Variants in TUT7 observed in about 807,000 individuals in gnomAD.
TUT7 encodes the protein terminal uridylyltransferase 7.
Under a neutral mutation model 165.9 loss-of-function variants are expected in TUT7, and 33 were observed. The ratio of observed to expected loss-of-function variants is 0.20; its 90% CI spans 0.15 to 0.27. TUT7 has a LOEUF of 0.27. Among genes scored for constraint, TUT7 ranks in the 10% least tolerant of loss-of-function variants. The probability of loss-of-function intolerance (pLI) is 1.00; values close to 1 mark genes in which losing one functional copy is unlikely to be tolerated. For missense variants in TUT7, 1,338 were observed against 1,762.3 expected (o/e 0.76, Z 4.31); for synonymous variants, 552 against 608.1 (o/e 0.91, Z 1.36).
intron 26 of TUT7, 26 bp from the exon 27 acceptor site, chr9:86,288,770 C>A: frequency 1.3e-6 from 2 of 1,582,450 alleles, no homozygotes; most frequent in Non-Finnish European, 1.7e-6. Context: ...AAACAAAACC[C>A]AATATAAATG....
intron 25 of TUT7, among the ~76,000 whole-genome samples, chr9:86,302,551 C>G (rs547430934): frequency 6.5e-4 from 98 of 151,748 alleles, no homozygotes; most frequent in Non-Finnish European, 1.3e-3. Context: ...CTCCTGGCCT[C>G]AAGTGATCCG....
intron 10 of TUT7, among the ~76,000 whole-genome samples, chr9:86,334,085 C>G (rs927187089): frequency 1.3e-5 from 2 of 151,676 alleles, no homozygotes; most frequent in African/African-American, 4.8e-5. Context: ...ATAACTATTT[C>G]CCAGTTCTCC....
chr9:86,293,136 G>A (rs1826021773), intron 26 of TUT7, among the ~76,000 whole-genome samples: 1 of 152,122 alleles, frequency 6.6e-6, no homozygotes, highest in South Asian at 2.1e-4. Flanking sequence ...CATCTGTATG[G>A]CAAACACATA....
At chr9:86,331,165 C>T (rs1369236516) in intron 10 of TUT7, among the ~76,000 whole-genome samples, 1 of 152,064 alleles carries the variant, frequency 6.6e-6, no homozygotes, top group Non-Finnish European at 1.5e-5. Context: ...AGCATAGGCC[C>T]TCCTCTGGGA....
chr9:86,289,277 T>G (rs1340665784), intron 26 of TUT7, among the ~76,000 whole-genome samples: 1 of 152,214 alleles, frequency 6.6e-6, no homozygotes, highest in Non-Finnish European at 1.5e-5. Context: ...GAATAGTTAC[T>G]AAATTTTGTT....
intron 9 of TUT7, 67 bp from the exon 10 acceptor site, chr9:86,337,605 C>A: frequency 6.5e-7 from 1 of 1,538,484 alleles, no homozygotes; most frequent in South Asian, 1.2e-5. Context: ...ACGATTTGGC[C>A]TAAAACCTGT....
intron 24 of TUT7, among the ~76,000 whole-genome samples, chr9:86,303,512 G>T (rs919372251): frequency 1.3e-5 from 2 of 152,142 alleles, no homozygotes; most frequent in African/African-American, 4.8e-5. Flanking sequence ...GGAGGGAGTT[G>T]AGGCCAGGTA....
chr9:86,299,337 C>A (rs1158243218), intron 26 of TUT7, among the ~76,000 whole-genome samples: 2 of 74,574 alleles, frequency 2.7e-5, no homozygotes, highest in Non-Finnish European at 4.8e-5. Context: ...TGTTTTCAAA[C>A]TTTCACAGAG....
intron 8 of TUT7, among the ~76,000 whole-genome samples, chr9:86,339,322 C>T (rs905185538): frequency 3.9e-5 from 6 of 151,994 alleles, no homozygotes; most frequent in Non-Finnish European, 5.9e-5. Context: ...GTCAGGAGAT[C>T]GAGACCATCC....
intron 5 of TUT7, among the ~76,000 whole-genome samples, 178 bp from the exon 6 acceptor site, chr9:86,343,341 A>C (rs893971737): frequency 1.3e-5 from 2 of 152,154 alleles, no homozygotes; most frequent in African/African-American, 4.8e-5. Context: ...CTCTTCACTT[A>C]ATTTAATAGG....
At chr9:86,344,793 C>A in intron 5 of TUT7, 184 bp downstream of exon 5, 1 of 573,934 alleles carries the variant, frequency 1.7e-6, no homozygotes, top group East Asian at 3.0e-5. Flanking sequence ...TTTATAATGA[C>A]AATGCATATG....
chr9:86,332,086 G>A (rs1830370563), intron 10 of TUT7, among the ~76,000 whole-genome samples: 1 of 152,054 alleles, frequency 6.6e-6, no homozygotes. Flanking sequence ...CTATTAAAAA[G>A]TCAAAAATAC....
intron 10 of TUT7, among the ~76,000 whole-genome samples, chr9:86,334,321 G>C (rs1461961198): frequency 6.6e-6 from 1 of 152,180 alleles, no homozygotes; most frequent in Non-Finnish European, 1.5e-5. Context: ...TTTACCCTCA[G>C]AGCTTAGTGG....
intron 26 of TUT7, among the ~76,000 whole-genome samples, chr9:86,293,973 C>G (rs748487584): frequency 6.6e-6 from 1 of 152,156 alleles, no homozygotes; most frequent in East Asian, 1.9e-4. Flanking sequence ...TCGGAACTCC[C>G]AACCTCAGGT....
intron 9 of TUT7, among the ~76,000 whole-genome samples, chr9:86,338,529 T>C (rs1008015828): frequency 6.6e-6 from 1 of 152,224 alleles, no homozygotes; most frequent in Non-Finnish European, 1.5e-5. Flanking sequence ...TAACAACCAC[T>C]GTGGTAAACT....
Position 86,308,626 on chromosome 9 carries a change from A to AGG in TUT7, c.3661-22_3661-21dup. 2 of 1,589,222 alleles carry AGG rather than the reference A, an allele frequency of 1.3e-6. No homozygotes were observed. Among genetic ancestry groups the AGG allele is most frequent in the South Asian group, 2.3e-5 (2 of 87,684 alleles). On this transcript the variant is annotated intron_variant, in intron 21 of 26. Transcript: ENST00000375963. Reference sequence around the variant, plus strand: ...GGTAGGCTAGAAATAGAAGGGAACAAGGGATACCATGGTCTTTAGTGAAGT... The same window carrying AGG: ...GGTAGGCTAGAAATAGAAGGGAACAAGGGGGATACCATGGTCTTTAGTGAAGT...
intron 11 of TUT7, 100 bp downstream of exon 11, chr9:86,328,240 G>A (rs1192845773): frequency 9.7e-6 from 12 of 1,238,036 alleles, no homozygotes; most frequent in African/African-American, 3.1e-5. Context: ...AAAGAGCCAC[G>A]AAATAGTAAA....
chr9:86,305,556 GCTGC>G (rs201695606), intron 22 of TUT7, among the ~76,000 whole-genome samples: 2,151 of 152,164 alleles, frequency 0.014, 32 homozygotes, highest in South Asian at 0.05. Flanking sequence ...GTTATGACTG[GCTGC>G]CTATTTTTGA....
Position 86,323,906 on chromosome 9 carries a change from A to T in TUT7, c.1844T>A (p.Phe615Tyr). The T allele has an allele frequency of 6.2e-7, 1 of 1,611,930 alleles. No individual in the cohort carries two copies. Among genetic ancestry groups the T allele is most frequent in the African/African-American group, 1.3e-5 (1 of 74,976 alleles). Reference sequence around the variant, plus strand: ...CCTTAAACAATGAAGTATATATTCAAACACAGGTTGACTATTTAGGGTTCT... The same window carrying T: ...CCTTAAACAATGAAGTATATATTCATACACAGGTTGACTATTTAGGGTTCT... ...VARTLNSQPV[F>Y]EYILHCLRTT... The change falls in exon 13 of 27, where the codon TTT (phenylalanine) becomes TAT (tyrosine). Residue 615 changes from phenylalanine (F) to tyrosine (Y), a missense_variant. Physicochemically the swap from Phe to Tyr is conservative, Grantham distance 22. This residue lies in a region of TUT7 where 425 missense variants were observed against 474.9 expected (regional missense o/e 0.89). Transcript: ENST00000375963.
Sources: allele counts gnomAD v4.1 joint callset (sites outside exome capture counted in the v4.1 genomes callset), GRCh38; gene constraint gnomAD v4.1.1; regional missense constraint gnomAD v4.1.1; transcripts MANE v1.5; gene names NCBI Gene and HGNC (gene_info 2026-07-23, HGNC 2026-07-21).